The following KIF6 variants were observed in gnomAD, a reference collection of about 807,000 sequenced individuals.
KIF6 encodes the protein kinesin-like protein KIF6.
KIF6 carries 106 observed loss-of-function variants against 112.7 expected under a neutral mutation model. That is an observed-to-expected ratio of 0.94 (90% CI 0.80 to 1.11). The LOEUF is 1.11. Ranked by LOEUF, KIF6 falls within the 50% of genes least tolerant of loss-of-function variation. KIF6 has a pLI of 0.00. For missense variants in KIF6, 929 were observed against 964.0 expected (o/e 0.96, Z 0.48); for synonymous variants, 339 against 339.9 (o/e 1.00, Z 0.03).
At position 39,639,787 on chromosome 6, in the gene KIF6, A is replaced by G. The variant is rs752855808; in HGVS notation, c.252-30T>C. 5.0e-6 allele frequency: 8 copies of G among 1,597,214 alleles called. No individual in the cohort carries two copies. The East Asian group carries it at 1.8e-4, about 36-fold the overall frequency. On this transcript the variant is annotated intron_variant, in intron 3 of 22. Coordinates refer to ENST00000287152, the MANE Select transcript of KIF6 (RefSeq NM_145027.6). ...AATAAAGAAATGACACACTTTCAAT[A>G]TCAACATGGCTAACTGCATATGAAT...
At chr6:39,658,554 A>G (rs1438399546) in intron 3 of KIF6, among the ~76,000 whole-genome samples, 1 of 152,124 alleles carries the variant, frequency 6.6e-6, no homozygotes, top group Non-Finnish European at 1.5e-5. Flanking sequence ...CCAGATTCTC[A>G]TTATATATAA....
intron 13 of KIF6, among the ~76,000 whole-genome samples, chr6:39,440,055 C>A (rs9380864): frequency 0.055 from 8,439 of 152,114 alleles, 446 homozygotes; most frequent in East Asian, 0.24. Context: ...GATATTCACT[C>A]GCGTGGGGCC....
intron 13 of KIF6, among the ~76,000 whole-genome samples, chr6:39,483,020 A>C (rs1774893832): frequency 6.6e-6 from 1 of 152,240 alleles, no homozygotes; most frequent in Non-Finnish European, 1.5e-5. Flanking sequence ...TTTTTAGATC[A>C]ATGGAAAAGT....
intron 15 of KIF6, among the ~76,000 whole-genome samples, chr6:39,408,626 C>CCTCT (rs143907480): frequency 6.7e-5 from 10 of 148,634 alleles, no homozygotes; most frequent in African/African-American, 1.5e-4. Context: ...TACATAGGTG[C>CCTCT]CTCTCTCTCT....
intron 3 of KIF6, among the ~76,000 whole-genome samples, chr6:39,703,082 A>C (rs2953366): frequency 0.79 from 54,231 of 68,320 alleles, 21,412 homozygotes; most frequent in East Asian, 0.95. Context: ...CCAACCCCCC[A>C]CCCCCACTCC....
At chr6:39,358,375 G>A (rs1373689120) in intron 18 of KIF6, among the ~76,000 whole-genome samples, 1 of 152,268 alleles carries the variant, frequency 6.6e-6, no homozygotes, top group Non-Finnish European at 1.5e-5. Context: ...GGGCAGCATG[G>A]AATTGGCCCC....
chr6:39,645,754 A>G (rs1228692749), intron 3 of KIF6, among the ~76,000 whole-genome samples: 4 of 152,126 alleles, frequency 2.6e-5, no homozygotes, highest in Non-Finnish European at 5.9e-5. Context: ...GATTAAGAAA[A>G]TGTGGCACAT....
intron 19 of KIF6, among the ~76,000 whole-genome samples, chr6:39,350,821 C>T (rs1293958787): frequency 6.6e-6 from 1 of 152,216 alleles, no homozygotes; most frequent in African/African-American, 2.4e-5. Context: ...TTCCTCTCAC[C>T]TGCCTAGTGT....
chr6:39,672,185 T>C (rs954964328), intron 3 of KIF6, among the ~76,000 whole-genome samples: 1 of 152,212 alleles, frequency 6.6e-6, no homozygotes, highest in Non-Finnish European at 1.5e-5. Context: ...TCTCACTATG[T>C]TGCCTGGGCT....
intron 5 of KIF6, among the ~76,000 whole-genome samples, chr6:39,633,212 G>C (rs1232118798): frequency 6.6e-6 from 1 of 152,102 alleles, no homozygotes; most frequent in East Asian, 1.9e-4. Context: ...TGAAATGAGA[G>C]TGTAGAGGGA....
At chr6:39,656,693 CA>C (rs1221950604) in intron 3 of KIF6, among the ~76,000 whole-genome samples, 1 of 152,106 alleles carries the variant, frequency 6.6e-6, no homozygotes, top group Non-Finnish European at 1.5e-5. Context: ...ATCTACATCA[CA>C]AACCTCAGCC....
At chr6:39,694,663 A>G (rs1788421113) in intron 3 of KIF6, among the ~76,000 whole-genome samples, 2 of 152,228 alleles carry the variant, frequency 1.3e-5, no homozygotes, top group African/African-American at 4.8e-5. Context: ...GAAAGAAATC[A>G]TAGGTGATAC....
intron 19 of KIF6, among the ~76,000 whole-genome samples, chr6:39,354,918 C>T (rs1764524370): frequency 6.6e-6 from 1 of 152,208 alleles, no homozygotes; most frequent in East Asian, 1.9e-4. Context: ...GTGCTCACAC[C>T]TGCAATCCCA....
intron 13 of KIF6, among the ~76,000 whole-genome samples, chr6:39,505,848 A>C (rs892157635): frequency 3.9e-5 from 6 of 152,224 alleles, no homozygotes; most frequent in Non-Finnish European, 7.3e-5. Context: ...AAAAGCCAAA[A>C]AACAACAGAT....
intron 13 of KIF6, among the ~76,000 whole-genome samples, chr6:39,503,311 G>A (rs541659348): frequency 3.9e-5 from 6 of 152,196 alleles, no homozygotes; most frequent in East Asian, 1.9e-4. Context: ...AAGATACAAC[G>A]TACCACAATC....
At chr6:39,519,915 C>T (rs190547780) in intron 13 of KIF6, among the ~76,000 whole-genome samples, 6 of 151,980 alleles carry the variant, frequency 3.9e-5, no homozygotes, top group East Asian at 1.9e-4. Context: ...CCAGCTACTC[C>T]GGAGGCTGAG....
intron 3 of KIF6, among the ~76,000 whole-genome samples, chr6:39,697,093 C>A (rs1376939183): frequency 6.6e-6 from 1 of 152,060 alleles, no homozygotes; most frequent in Admixed American, 6.6e-5. Flanking sequence ...TCCTATTAAC[C>A]CAAAGCGGAG....
chr6:39,595,312 G>A (rs1293570676), intron 7 of KIF6, among the ~76,000 whole-genome samples: 2 of 152,148 alleles, frequency 1.3e-5, no homozygotes, highest in Non-Finnish European at 2.9e-5. Flanking sequence ...AGTGAAAAAA[G>A]GTATAGGCTG....
At chr6:39,639,794 T>C (rs1366135818) in intron 3 of KIF6, 37 bp from the exon 4 acceptor site, 10 of 1,578,420 alleles carry the variant, frequency 6.3e-6, no homozygotes, top group Non-Finnish European at 6.9e-6. Context: ...AATATCAACA[T>C]GGCTAACTGC....
Sources: gnomAD v4.1 joint callset for allele counts (sites outside exome capture counted in the v4.1 genomes callset) on GRCh38, gnomAD v4.1.1 for gene constraint, MANE v1.5 for transcripts, NCBI Gene and HGNC (gene_info 2026-07-23, HGNC 2026-07-21) for gene names.